CDH13: variants seen among roughly 807,000 people sequenced by gnomAD.
CDH13 encodes cadherin 13, also known as cadherin-13.
Under a neutral mutation model 63.8 loss-of-function variants are expected in CDH13, and 24 were observed. The ratio of observed to expected loss-of-function variants is 0.38; its 90% CI spans 0.27 to 0.53. The LOEUF (loss-of-function observed/expected upper bound fraction) is 0.53. Ranked by LOEUF, CDH13 falls within the 20% of genes least tolerant of loss-of-function variation. The pLI, the probability that CDH13 is intolerant of heterozygous loss-of-function variation, is 0.85. For synonymous variants in CDH13, 503 were observed against 355.3 expected, an observed-to-expected ratio of 1.42 and a Z score of -4.67; for missense variants, 1,049 against 903.1, an observed-to-expected ratio of 1.16 and a Z score of -2.07.
In CDH13 at chr16:83,315,673, A is replaced by AT. The variant is rs1157260432; in HGVS notation, c.637-29189_637-29188insT. ...AAAAAACAGCTCTAAGAAAATTTTT[A>AT]ATTTTTTTAGTGTGTTCTCGCTATC... On this transcript the variant is annotated intron_variant, in intron 5 of 13. Transcript: ENST00000567109. Among the ~76,000 whole-genome samples the AT allele has an allele frequency of 6.6e-5, 10 of 151,014 alleles. No homozygotes were observed. In the South Asian group the frequency reaches 1.3e-3, roughly 19 times the overall value.
chr16:83,268,104 G>A (rs1318360900), intron 5 of CDH13, among the ~76,000 whole-genome samples: 1 of 152,164 alleles, frequency 6.6e-6, no homozygotes, highest in Non-Finnish European at 1.5e-5. Flanking sequence ...GTGCACCACT[G>A]ACACATGGAT....
chr16:82,895,970 C>G (rs2041242366), intron 2 of CDH13, among the ~76,000 whole-genome samples: 1 of 152,156 alleles, frequency 6.6e-6, no homozygotes, highest in African/African-American at 2.4e-5. Context: ...ATCCCTCTTG[C>G]AAATTTTTTC....
At chr16:83,459,475 A>G (rs918512872) in intron 6 of CDH13, among the ~76,000 whole-genome samples, 1 of 152,190 alleles carries the variant, frequency 6.6e-6, no homozygotes, top group Admixed American at 6.5e-5. Context: ...ATGGACTTTA[A>G]TTAATTTTGC....
intron 1 of CDH13, among the ~76,000 whole-genome samples, chr16:82,788,983 A>T (rs890856067): frequency 1.3e-5 from 2 of 152,202 alleles, no homozygotes; most frequent in Non-Finnish European, 2.9e-5. Flanking sequence ...CTAGGCCGTT[A>T]GTCAATTGTA....
chr16:83,168,066 G>C (rs2037760604), intron 4 of CDH13, among the ~76,000 whole-genome samples: 1 of 151,572 alleles, frequency 6.6e-6, no homozygotes, highest in Non-Finnish European at 1.5e-5. Context: ...AGGGAAAGAG[G>C]GGTATGAGGG....
intron 3 of CDH13, among the ~76,000 whole-genome samples, chr16:83,039,255 C>A (rs1252746188): frequency 6.6e-6 from 1 of 152,208 alleles, no homozygotes; most frequent in Non-Finnish European, 1.5e-5. Context: ...ATCAGCTCAC[C>A]TGGCCTTGGG....
chr16:83,091,553 G>A (rs1443447305), intron 3 of CDH13, among the ~76,000 whole-genome samples: 2 of 152,204 alleles, frequency 1.3e-5, no homozygotes, highest in African/African-American at 4.8e-5. Flanking sequence ...ATGAGCTCCA[G>A]CTGGAGACTA....
chr16:82,917,973 C>G (rs1411503059), intron 2 of CDH13, among the ~76,000 whole-genome samples: 2 of 150,394 alleles, frequency 1.3e-5, no homozygotes, highest in East Asian at 3.9e-4. Flanking sequence ...GGAGCAGCAT[C>G]CATGACCCAT....
chr16:83,029,311 A>T (rs1188657158), intron 2 of CDH13, among the ~76,000 whole-genome samples: 1 of 152,158 alleles, frequency 6.6e-6, no homozygotes, highest in Non-Finnish European at 1.5e-5. Flanking sequence ...TTTGGCTTTA[A>T]CAGTGTGCTA....
chr16:83,555,664 C>G (rs770194966), intron 7 of CDH13, among the ~76,000 whole-genome samples: 2 of 152,208 alleles, frequency 1.3e-5, no homozygotes, highest in Non-Finnish European at 2.9e-5. Context: ...TGGAACCATT[C>G]TGACTTTTTG....
At chr16:83,721,264 C>G (rs1909657755) in intron 10 of CDH13, 1 of 152,172 alleles carries the variant, frequency 6.6e-6, no homozygotes, top group Non-Finnish European at 1.5e-5. Context: ...CTCCAAAACT[C>G]AGTGGATTGG....
chr16:83,226,452 T>A (rs558063522), intron 5 of CDH13, among the ~76,000 whole-genome samples: 2 of 152,310 alleles, frequency 1.3e-5, no homozygotes, highest in Non-Finnish European at 2.9e-5. Context: ...GAACCCCACA[T>A]TCCTTAATTT....
chr16:83,112,815 C>G (rs1052230875), intron 3 of CDH13, among the ~76,000 whole-genome samples: 2 of 152,072 alleles, frequency 1.3e-5, no homozygotes, highest in African/African-American at 2.4e-5. Flanking sequence ...TCGTGAGCAC[C>G]GTGCAGTTTA....
At chr16:83,675,179 T>C (rs957958760) in intron 9 of CDH13, among the ~76,000 whole-genome samples, 41 of 152,192 alleles carry the variant, frequency 2.7e-4, no homozygotes, top group African/African-American at 9.9e-4. Flanking sequence ...AGCACATTAG[T>C]AAGATTGTGT....
rs187028555 is a variant in CDH13, at chr16:82,705,068, G to A, written c.45+77931G>A. 8 of 446,962 alleles carry A rather than the reference G, an allele frequency of 1.8e-5. No individual in the cohort carries two copies. The East Asian group carries it at 4.2e-4, about 23-fold the overall frequency. 27.7% of individuals were successfully genotyped at this position (446,962 alleles called of 1,614,324 possible). ...CTTCTTTTTATTCTTGTAGACACCA[G>A]TGAGGCCTACCATATACCTATGTCA... On this transcript the variant is annotated intron_variant, in intron 1 of 13. Coordinates refer to ENST00000567109, the MANE Select transcript of CDH13 (RefSeq NM_001257.5).
intron 1 of CDH13, chr16:82,727,509 C>G (rs16958359): frequency 0.06 from 9,085 of 152,176 alleles, 291 homozygotes; most frequent in Non-Finnish European, 0.07. Flanking sequence ...TTTCGAGATG[C>G]ATTAGCCGCA....
chr16:83,542,190 G>A (rs557862767), intron 7 of CDH13, among the ~76,000 whole-genome samples: 194 of 152,258 alleles, frequency 1.3e-3, no homozygotes, highest in African/African-American at 4.5e-3. Flanking sequence ...ACTAATATTT[G>A]AAAGACATCA....
At chr16:82,757,400 TTTA>T (rs2034651453) in intron 1 of CDH13, among the ~76,000 whole-genome samples, 1 of 152,184 alleles carries the variant, frequency 6.6e-6, no homozygotes, top group Non-Finnish European at 1.5e-5. Flanking sequence ...CAAAGAATGC[TTTA>T]CCTGGGTATA....
chr16:83,173,249 G>A (rs2037996199), intron 4 of CDH13, among the ~76,000 whole-genome samples: 1 of 152,092 alleles, frequency 6.6e-6, no homozygotes, highest in Non-Finnish European at 1.5e-5. Flanking sequence ...TTTGAACTCA[G>A]GCAGTCTGAC....
Sources: gnomAD v4.1 joint callset for allele counts (sites outside exome capture counted in the v4.1 genomes callset) on GRCh38, gnomAD v4.1.1 for gene constraint, MANE v1.5 for transcripts, NCBI Gene and HGNC (gene_info 2026-07-23, HGNC 2026-07-21) for gene names.